LRRC37A2: variants seen among roughly 807,000 people sequenced by gnomAD.
LRRC37A2 encodes leucine rich repeat containing 37 member A2.
Under a neutral mutation model 68.8 loss-of-function variants are expected in LRRC37A2, and 9 were observed. That is an observed-to-expected ratio of 0.13 (90% CI 0.08 to 0.23). LRRC37A2 has a LOEUF of 0.23. Among genes scored for constraint, LRRC37A2 ranks in the 10% least tolerant of loss-of-function variants. LRRC37A2 has a pLI of 1.00. For synonymous variants in LRRC37A2, 63 were observed against 367.6 expected, an observed-to-expected ratio of 0.17 and a Z score of 9.48; for missense variants, 168 against 950.4, an observed-to-expected ratio of 0.18 and a Z score of 10.82.
chr17:46,422,572 GA>G, the LRRC37A2 span: 2 of 244,050 alleles, frequency 8.2e-6, no homozygotes, highest in East Asian at 4.0e-5. Flanking sequence ...CTGCGACAGG[GA>G]AAAGGCAGAA....
At chr17:46,856,745 A>C in the LRRC37A2 span, among the ~76,000 whole-genome samples, 2 of 152,144 alleles carry the variant, frequency 1.3e-5, no homozygotes, top group African/African-American at 4.8e-5. Context: ...CAGCCTCCCA[A>C]AGTGCTAGAA....
the LRRC37A2 span, among the ~76,000 whole-genome samples, chr17:46,733,794 A>T: frequency 6.6e-6 from 1 of 152,222 alleles, no homozygotes; most frequent in Non-Finnish European, 1.5e-5. Flanking sequence ...TACCACTCCA[A>T]CGTCATAGCA....
chr17:46,714,575 A>C, the LRRC37A2 span, among the ~76,000 whole-genome samples: 1 of 152,206 alleles, frequency 6.6e-6, no homozygotes, highest in East Asian at 1.9e-4. Flanking sequence ...ATAGAATCCT[A>C]GAGCTGAAAA....
At chr17:47,047,680 G>A in the LRRC37A2 span, among the ~76,000 whole-genome samples, 5 of 151,780 alleles carry the variant, frequency 3.3e-5, no homozygotes, top group East Asian at 1.9e-4. Flanking sequence ...ATACGGTTTC[G>A]GTTTTTCTGT....
the LRRC37A2 span, among the ~76,000 whole-genome samples, chr17:46,742,637 C>G: frequency 1.3e-5 from 2 of 152,186 alleles, no homozygotes; most frequent in Non-Finnish European, 2.9e-5. Flanking sequence ...GAAAAGCTGA[C>G]ATTCAGGCAG....
chr17:46,934,855 G>A, the LRRC37A2 span, among the ~76,000 whole-genome samples: 3 of 152,228 alleles, frequency 2.0e-5, no homozygotes, highest in East Asian at 5.8e-4. Flanking sequence ...CTTCTGTGTG[G>A]ACAGAGGCCA....
the LRRC37A2 span, among the ~76,000 whole-genome samples, chr17:46,775,636 CAG>C: frequency 1.3e-4 from 16 of 119,146 alleles, no homozygotes; most frequent in South Asian, 2.7e-4. Flanking sequence ...TTTTTTGAGA[CAG>C]AGTCTCGCTG....
At chr17:46,709,924 AC>A in the LRRC37A2 span, among the ~76,000 whole-genome samples, 1 of 152,218 alleles carries the variant, frequency 6.6e-6, no homozygotes, top group Non-Finnish European at 1.5e-5. Flanking sequence ...GAATCAAAGG[AC>A]CAGTATATGC....
the LRRC37A2 span, among the ~76,000 whole-genome samples, chr17:46,775,223 C>G: frequency 0.047 from 7,155 of 152,322 alleles, 555 homozygotes; most frequent in African/African-American, 0.16. Flanking sequence ...AAGAACATCA[C>G]TATCTCCTGG....
chr17:46,741,369 G>A, the LRRC37A2 span, among the ~76,000 whole-genome samples: 1 of 152,062 alleles, frequency 6.6e-6, no homozygotes, highest in Non-Finnish European at 1.5e-5. Context: ...ATTATTAAGG[G>A]TTCAGTTTCT....
the LRRC37A2 span, among the ~76,000 whole-genome samples, chr17:46,747,360 A>G: frequency 6.6e-6 from 1 of 152,172 alleles, no homozygotes; most frequent in Non-Finnish European, 1.5e-5. Flanking sequence ...GGCTCACTCC[A>G]GCCTCAAACT....
the LRRC37A2 span, among the ~76,000 whole-genome samples, chr17:46,750,356 C>CA: frequency 6.6e-6 from 1 of 152,004 alleles, no homozygotes; most frequent in Non-Finnish European, 1.5e-5. Context: ...CTAACAACAA[C>CA]AAAAAATGCC....
At chr17:46,726,725 A>G in the LRRC37A2 span, 1 of 959,104 alleles carries the variant, frequency 1.0e-6, no homozygotes, top group African/African-American at 1.6e-5. Flanking sequence ...CAATAGAAAT[A>G]CCTTTCTTTG....
chr17:46,933,799 C>T, the LRRC37A2 span, among the ~76,000 whole-genome samples: 2 of 151,392 alleles, frequency 1.3e-5, no homozygotes, highest in Non-Finnish European at 2.9e-5. Flanking sequence ...ATTGTCTCTA[C>T]AAAAAAATAT....
At chr17:46,856,621 T>C in the LRRC37A2 span, among the ~76,000 whole-genome samples, 28 of 152,048 alleles carry the variant, frequency 1.8e-4, no homozygotes, top group African/African-American at 6.7e-4. Context: ...GTAGATGGGA[T>C]GACAAGTGTG....
chr17:46,815,718 C>G, the LRRC37A2 span, among the ~76,000 whole-genome samples: 1 of 152,172 alleles, frequency 6.6e-6, no homozygotes, highest in African/African-American at 2.4e-5. Flanking sequence ...CCTGGACAGA[C>G]AGGACAAGCT....
At chr17:46,493,365 G>A in the LRRC37A2 span, among the ~76,000 whole-genome samples, 1 of 119,312 alleles carries the variant, frequency 8.4e-6, no homozygotes, top group Non-Finnish European at 1.7e-5. Context: ...GTTTTGATAT[G>A]TTGCCCAGAC....
the LRRC37A2 span, chr17:46,949,483 T>C: frequency 6.6e-6 from 1 of 152,174 alleles, no homozygotes; most frequent in African/African-American, 2.4e-5. Flanking sequence ...AGCCCCCAGC[T>C]GCCTCTCAGT....
At chr17:46,494,396 CAGAT>C in the LRRC37A2 span, among the ~76,000 whole-genome samples, 214 of 148,294 alleles carry the variant, frequency 1.4e-3, 8 homozygotes, top group African/African-American at 5.3e-3. Flanking sequence ...TGTAAAAGGT[CAGAT>C]AGTAAATATT....
Sources: allele counts gnomAD v4.1 joint callset (sites outside exome capture counted in the v4.1 genomes callset), GRCh38; gene constraint gnomAD v4.1.1; transcripts MANE v1.5; gene names NCBI Gene and HGNC (gene_info 2026-07-23, HGNC 2026-07-21).